Variants in SEMA3C observed in about 807,000 individuals in gnomAD.
SEMA3C encodes the protein semaphorin 3C, also known as semaphorin-3C.
SEMA3C carries 47 observed loss-of-function variants against 89.4 expected under a neutral mutation model. The observed-to-expected ratio is 0.53, with a 90% CI of 0.42 to 0.67. SEMA3C has a LOEUF of 0.67. SEMA3C is among the 30% of genes least tolerant of loss of function. SEMA3C has a pLI of 0.00. For synonymous variants in SEMA3C, 310 were observed against 320.2 expected (o/e 0.97, Z 0.34); for missense variants, 839 against 929.1 (o/e 0.90, Z 1.26).
intron 12 of SEMA3C, among the ~76,000 whole-genome samples, chr7:80,770,901 C>G (rs1274628082): frequency 1.3e-5 from 2 of 152,238 alleles, no homozygotes; most frequent in Non-Finnish European, 2.9e-5. Flanking sequence ...CTACCACATA[C>G]AGACTCCATT....
At chr7:80,881,901 A>G (rs931143906) in intron 2 of SEMA3C, among the ~76,000 whole-genome samples, 1 of 152,210 alleles carries the variant, frequency 6.6e-6, no homozygotes, top group Non-Finnish European at 1.5e-5. Flanking sequence ...TATGGATACA[A>G]GTATCATCTA....
intron 13 of SEMA3C, among the ~76,000 whole-genome samples, chr7:80,762,159 A>G (rs1017993524): frequency 6.6e-6 from 1 of 152,164 alleles, no homozygotes; most frequent in Non-Finnish European, 1.5e-5. Flanking sequence ...ATTAGAACAA[A>G]AAATGAAAAT....
intron 2 of SEMA3C, among the ~76,000 whole-genome samples, chr7:80,836,920 T>A (rs954914315): frequency 2.0e-5 from 3 of 152,176 alleles, no homozygotes; most frequent in Non-Finnish European, 2.9e-5. Flanking sequence ...TTAAATTATA[T>A]GGCTGCTCTA....
intron 2 of SEMA3C, among the ~76,000 whole-genome samples, chr7:80,891,864 T>C (rs537862602): frequency 1.3e-5 from 2 of 152,120 alleles, no homozygotes; most frequent in Non-Finnish European, 2.9e-5. Context: ...AAAGTCATAT[T>C]ATTATAAAAT....
chr7:80,854,111 T>G (rs1790579854), intron 2 of SEMA3C, among the ~76,000 whole-genome samples: 1 of 152,164 alleles, frequency 6.6e-6, no homozygotes, highest in African/African-American at 2.4e-5. Context: ...AAGTGAGACA[T>G]CACAATGACC....
At chr7:80,882,367 C>T (rs1053201709) in intron 2 of SEMA3C, among the ~76,000 whole-genome samples, 7 of 145,258 alleles carry the variant, frequency 4.8e-5, no homozygotes, top group Non-Finnish European at 1.0e-4. Context: ...CACTGTATAG[C>T]GCTGAGTGAA....
chr7:80,882,966 A>G (rs1444662125), intron 2 of SEMA3C, among the ~76,000 whole-genome samples: 2 of 151,856 alleles, frequency 1.3e-5, no homozygotes, highest in African/African-American at 4.9e-5. Flanking sequence ...CAACAACAAC[A>G]ACAAACTAAA....
chr7:80,781,512 T>C (rs1298293473), intron 12 of SEMA3C, among the ~76,000 whole-genome samples: 1 of 152,182 alleles, frequency 6.6e-6, no homozygotes, highest in East Asian at 1.9e-4. Context: ...CCAAGTTCAA[T>C]AAAAAATTTT....
At chr7:80,887,115 ATG>A (rs1223633694) in intron 2 of SEMA3C, among the ~76,000 whole-genome samples, 2 of 152,206 alleles carry the variant, frequency 1.3e-5, no homozygotes, top group Non-Finnish European at 2.9e-5. Context: ...TTCTATTTTA[ATG>A]TATCAGTGCC....
intron 2 of SEMA3C, among the ~76,000 whole-genome samples, chr7:80,841,180 T>C (rs531389859): frequency 6.6e-6 from 1 of 152,304 alleles, no homozygotes; most frequent in Non-Finnish European, 1.5e-5. Flanking sequence ...GTACCCGCCA[T>C]GATCACATAC....
chr7:80,896,510 T>A (rs1791741077), intron 2 of SEMA3C, among the ~76,000 whole-genome samples: 1 of 152,220 alleles, frequency 6.6e-6, no homozygotes, highest in Non-Finnish European at 1.5e-5. Context: ...GTACATGCAA[T>A]ATACAATTAT....
chr7:80,777,864 C>A (rs1021612069), intron 12 of SEMA3C, among the ~76,000 whole-genome samples: 1 of 152,086 alleles, frequency 6.6e-6, no homozygotes, highest in Non-Finnish European at 1.5e-5. Context: ...TAATGAGTGA[C>A]TAAGTTATGT....
intron 4 of SEMA3C, among the ~76,000 whole-genome samples, chr7:80,822,714 A>T (rs1273689641): frequency 6.6e-6 from 1 of 152,228 alleles, no homozygotes; most frequent in Non-Finnish European, 1.5e-5. Context: ...CAATCTTTGC[A>T]TTCCTAAAAT....
At chr7:80,798,001 A>G (rs980976103) in intron 11 of SEMA3C, 91 bp downstream of exon 11, 1 of 1,359,940 alleles carries the variant, frequency 7.4e-7, no homozygotes, top group Non-Finnish European at 1.0e-6. Flanking sequence ...CCGTCTCAAA[A>G]AAAAACCCCA....
chr7:80,791,125 GGAGAAAGGA>G (rs1425120575), intron 11 of SEMA3C, among the ~76,000 whole-genome samples: 6 of 151,920 alleles, frequency 3.9e-5, no homozygotes, highest in African/African-American at 1.5e-4. Flanking sequence ...AACGAGATCT[GGAGAAAGGA>G]CTGCTGAACA....
intron 2 of SEMA3C, among the ~76,000 whole-genome samples, chr7:80,892,005 CAA>C (rs1791627061): frequency 6.6e-6 from 1 of 152,002 alleles, no homozygotes; most frequent in Non-Finnish European, 1.5e-5. Flanking sequence ...CTATCTTCCC[CAA>C]AAAATCTGAA....
intron 2 of SEMA3C, among the ~76,000 whole-genome samples, chr7:80,885,632 A>G (rs1389842806): frequency 6.6e-6 from 1 of 152,154 alleles, no homozygotes; most frequent in Non-Finnish European, 1.5e-5. Flanking sequence ...ACAAAGAAAC[A>G]AATATCCTGT....
chr7:80,750,579 A>C, intron 16 of SEMA3C, among the ~76,000 whole-genome samples: 1 of 149,950 alleles, frequency 6.7e-6, no homozygotes, highest in Admixed American at 6.6e-5. Flanking sequence ...ATTGTAATAT[A>C]TTTTACAATA....
At chr7:80,780,777 C>T (rs1386062248) in intron 12 of SEMA3C, among the ~76,000 whole-genome samples, 1 of 151,886 alleles carries the variant, frequency 6.6e-6, no homozygotes, top group East Asian at 1.9e-4. Flanking sequence ...CCAGATACTC[C>T]GGAGGCTGAG....
Sources: allele counts gnomAD v4.1 joint callset (sites outside exome capture counted in the v4.1 genomes callset), GRCh38; gene constraint gnomAD v4.1.1; transcripts MANE v1.5; gene names NCBI Gene and HGNC (gene_info 2026-07-23, HGNC 2026-07-21).